The following GARIN2 variants were observed in gnomAD, a reference collection of about 807,000 sequenced individuals.
GARIN2 encodes the protein Golgi-associated RAB2 interactor protein 2.
At chr14:67,198,101 C>G in the GARIN2 span, 5 of 1,558,648 alleles carry the variant, frequency 3.2e-6, no homozygotes, top group African/African-American at 4.1e-5. Flanking sequence ...ATTAAATTCT[C>G]TCTGTATCCA....
At chr14:67,195,266 C>A in the GARIN2 span, among the ~76,000 whole-genome samples, 3 of 152,204 alleles carry the variant, frequency 2.0e-5, no homozygotes, top group African/African-American at 7.2e-5. Context: ...GAGACCCAGT[C>A]GTGGCTGCAA....
the GARIN2 span, chr14:67,200,450 C>A: frequency 6.9e-6 from 3 of 437,622 alleles, no homozygotes; most frequent in Non-Finnish European, 4.1e-6. Context: ...CCACCCCATT[C>A]CCCTTTTTAA....
chr14:67,209,630 C>T, the GARIN2 span, among the ~76,000 whole-genome samples: 14 of 151,092 alleles, frequency 9.3e-5, no homozygotes, highest in Non-Finnish European at 1.9e-4. Flanking sequence ...CTAGCCTGGC[C>T]AACATGGTGA....
chr14:67,213,680 A>G, the GARIN2 span, among the ~76,000 whole-genome samples: 3 of 152,160 alleles, frequency 2.0e-5, no homozygotes, highest in Admixed American at 6.5e-5. Context: ...GTATATACCC[A>G]GTAATGGGAT....
At chr14:67,200,036 AC>A in the GARIN2 span, 1 of 932,504 alleles carries the variant, frequency 1.1e-6, no homozygotes, top group East Asian at 2.6e-5. Context: ...CATTCTGGAC[AC>A]CCAGGCTCTG....
the GARIN2 span, chr14:67,223,903 C>T: frequency 3.0e-6 from 3 of 985,282 alleles, no homozygotes; most frequent in Non-Finnish European, 3.6e-6. Context: ...ATCTTAATAC[C>T]TCATTTTATT....
At chr14:67,218,074 A>T in the GARIN2 span, among the ~76,000 whole-genome samples, 2 of 152,086 alleles carry the variant, frequency 1.3e-5, no homozygotes, top group Non-Finnish European at 2.9e-5. Context: ...CTAGGCTTAG[A>T]GAGTTTGTGG....
the GARIN2 span, among the ~76,000 whole-genome samples, chr14:67,193,116 C>A: frequency 2.8e-5 from 4 of 142,000 alleles, no homozygotes; most frequent in Non-Finnish European, 4.6e-5. Context: ...ATATAGATAT[C>A]TCTCTATATA....
the GARIN2 span, among the ~76,000 whole-genome samples, chr14:67,226,780 CT>C: frequency 6.6e-6 from 1 of 152,254 alleles, no homozygotes; most frequent in African/African-American, 2.4e-5. Flanking sequence ...ATTCCCTGGC[CT>C]CCACATACAT....
the GARIN2 span, among the ~76,000 whole-genome samples, chr14:67,212,930 A>G: frequency 6.6e-6 from 1 of 151,392 alleles, no homozygotes; most frequent in Non-Finnish European, 1.5e-5. Flanking sequence ...TTGGCTGTTC[A>G]AGCAAAGCAT....
At chr14:67,193,503 A>G in the GARIN2 span, among the ~76,000 whole-genome samples, 1 of 131,818 alleles carries the variant, frequency 7.6e-6, no homozygotes, top group African/African-American at 2.7e-5. Context: ...ATATCTAGAT[A>G]TCCATATATA....
the GARIN2 span, among the ~76,000 whole-genome samples, chr14:67,197,835 T>G: frequency 6.6e-6 from 1 of 152,174 alleles, no homozygotes; most frequent in Admixed American, 6.5e-5. Context: ...TCCAGCCCTA[T>G]ACTCTGGTCA....
chr14:67,225,308 T>A, the GARIN2 span: 2 of 1,325,760 alleles, frequency 1.5e-6, no homozygotes, highest in Non-Finnish European at 2.0e-6. Flanking sequence ...ACATGATAGC[T>A]ATGATACTGT....
the GARIN2 span, chr14:67,198,115 A>G: frequency 1.3e-6 from 2 of 1,587,470 alleles, no homozygotes; most frequent in Non-Finnish European, 8.6e-7. Flanking sequence ...GTATCCACTA[A>G]TTGTGTTTCC....
the GARIN2 span, chr14:67,204,681 G>A: frequency 6.2e-7 from 1 of 1,613,832 alleles, no homozygotes; most frequent in Admixed American, 1.7e-5. Context: ...CTCAATGGGT[G>A]GCCCTCATCT....
the GARIN2 span, among the ~76,000 whole-genome samples, chr14:67,212,393 G>T: frequency 9.4e-3 from 1,429 of 151,676 alleles, 17 homozygotes; most frequent in African/African-American, 0.028. Flanking sequence ...TTCGAGACCA[G>T]CCTGGGCAAC....
the GARIN2 span, chr14:67,228,419 C>CT: frequency 5.0e-6 from 2 of 402,974 alleles, no homozygotes; most frequent in Non-Finnish European, 6.7e-6. Flanking sequence ...ACTTCTCCAC[C>CT]TTTTTTTAAA....
the GARIN2 span, chr14:67,221,694 C>T: frequency 6.4e-7 from 1 of 1,561,674 alleles, no homozygotes. Context: ...TAAAGAATGA[C>T]CGGTTATTTT....
At chr14:67,224,619 T>C in the GARIN2 span, 1 of 292,786 alleles carries the variant, frequency 3.4e-6, no homozygotes, top group South Asian at 2.9e-5. Flanking sequence ...TCTCCTTAAC[T>C]TTTAAATTTT....
Sources: allele counts gnomAD v4.1 joint callset (sites outside exome capture counted in the v4.1 genomes callset), GRCh38; gene constraint gnomAD v4.1.1; transcripts MANE v1.5; gene names NCBI Gene and HGNC (gene_info 2026-07-23, HGNC 2026-07-21).